DAGLA: variants seen among roughly 807,000 people sequenced by gnomAD.
The protein encoded by DAGLA is diacylglycerol lipase-alpha.
A neutral mutation model predicts 102.6 loss-of-function variants in DAGLA; 22 were observed. The observed-to-expected ratio is 0.21, with a 90% confidence interval of 0.15 to 0.31. The LOEUF is 0.31. Among genes scored for constraint, DAGLA ranks in the 10% least tolerant of loss-of-function variants. DAGLA has a pLI of 1.00. For missense variants in DAGLA, 927 were observed against 1,446.6 expected (o/e 0.64, Z 5.83); for synonymous variants, 578 against 628.9 (o/e 0.92, Z 1.21).
intron 1 of DAGLA, among the ~76,000 whole-genome samples, chr11:61,707,067 C>T (rs904108877): frequency 1.3e-5 from 2 of 152,202 alleles, no homozygotes; most frequent in Non-Finnish European, 2.9e-5. Context: ...TTAGGGGGGC[C>T]GAGGGCACCA....
intron 1 of DAGLA, among the ~76,000 whole-genome samples, chr11:61,708,204 C>T (rs937409211): frequency 4.6e-5 from 7 of 152,102 alleles, no homozygotes; most frequent in African/African-American, 1.7e-4. Flanking sequence ...GATGGAGTTT[C>T]GCCATGTTGG....
At position 61,743,575 on chromosome 11, in the gene DAGLA, G is replaced by C; in HGVS notation, c.2215G>C (p.Gly739Arg). 1 of 1,552,548 alleles carries C rather than the reference G, an allele frequency of 6.4e-7. No homozygotes were observed. Among genetic ancestry groups the C allele is most frequent in the Non-Finnish European group, 8.7e-7 (1 of 1,155,894 alleles). ...GATGAGCCTGGAGGGCTTCTCGGAGGGGCGGCTGCTGTCGCCAGTGGTTGC... is the reference window on the plus strand; with the variant it reads ...GATGAGCCTGGAGGGCTTCTCGGAGCGGCGGCTGCTGTCGCCAGTGGTTGC... The part of the protein sequence containing the change: ...SEMSLEGFSE[G>R]RLLSPVVAAA... The change falls in exon 20 of 20, where the codon GGG becomes CGG. Residue 739 changes from glycine (G) to arginine (R), a missense_variant. This residue lies in a region of DAGLA where 434 missense variants were observed against 503.3 expected (regional missense o/e 0.86). Transcript: ENST00000257215.
chr11:61,696,829 G>C (rs2065070887), intron 1 of DAGLA, among the ~76,000 whole-genome samples: 1 of 152,174 alleles, frequency 6.6e-6, no homozygotes, highest in East Asian at 1.9e-4. Flanking sequence ...GGGGAGGACT[G>C]AGCAGACAGA....
intron 1 of DAGLA, among the ~76,000 whole-genome samples, chr11:61,705,557 C>T (rs2065142092): frequency 6.6e-6 from 1 of 152,226 alleles, no homozygotes; most frequent in Non-Finnish European, 1.5e-5. Flanking sequence ...AGCTCCAGCT[C>T]CTAGTTCTAT....
At chr11:61,740,620 C>T in intron 18 of DAGLA, 28 bp downstream of exon 18, 4 of 1,610,186 alleles carry the variant, frequency 2.5e-6, no homozygotes, top group Non-Finnish European at 3.4e-6. Context: ...AGGGTACCAC[C>T]AGGGAATAAG....
At chr11:61,720,954 G>A in intron 3 of DAGLA, 64 bp downstream of exon 3, 1 of 1,485,970 alleles carries the variant, frequency 6.7e-7, no homozygotes, top group Non-Finnish European at 9.3e-7. Context: ...CACTCAGCCA[G>A]TATTTACTGC....
intron 1 of DAGLA, among the ~76,000 whole-genome samples, chr11:61,699,105 G>A (rs1430730149): frequency 1.3e-5 from 2 of 152,182 alleles, no homozygotes; most frequent in Non-Finnish European, 1.5e-5. Flanking sequence ...GGGCCAGCCT[G>A]AAGCTGAAGC....
Position 61,743,902 on chromosome 11 carries a change from A to C in DAGLA, c.2542A>C (p.Lys848Gln). ...TELLAADSLS[K>Q]HSQDTQPLEA... Reference sequence around the variant, plus strand: ...GCTGCTGGCGGCCGACAGCCTGTCCAAGCACTCACAGGACACGCAGCCCCT... The same window carrying C: ...GCTGCTGGCGGCCGACAGCCTGTCCCAGCACTCACAGGACACGCAGCCCCT... Residue 848 changes from lysine (K) to glutamine (Q), a missense_variant, in exon 20 of 20, where the codon AAG becomes CAG. Around this residue, in one of 4 missense-constraint regions of DAGLA, gnomAD observed 434 missense variants for 503.3 expected, o/e 0.86. Transcript: ENST00000257215. 7 of 1,612,312 alleles carry C rather than the reference A, an allele frequency of 4.3e-6. No homozygotes were observed. Among genetic ancestry groups the C allele is most frequent in the Non-Finnish European group, 5.9e-6 (7 of 1,179,824 alleles).
chr11:61,742,687 G>C (rs914150168), intron 19 of DAGLA, among the ~76,000 whole-genome samples: 1 of 152,152 alleles, frequency 6.6e-6, no homozygotes, highest in Non-Finnish European at 1.5e-5. Flanking sequence ...AGGGTTGCTG[G>C]CTCTGAGATT....
At chr11:61,737,102 C>T (rs1591052213) in intron 13 of DAGLA, 80 bp from the exon 14 acceptor site, 6 of 1,582,842 alleles carry the variant, frequency 3.8e-6, no homozygotes, top group South Asian at 1.1e-5. Flanking sequence ...ATGGGAAGAC[C>T]CTCTGCCTCC....
At chr11:61,681,233 G>C (rs535323597) in intron 1 of DAGLA, among the ~76,000 whole-genome samples, 2 of 152,238 alleles carry the variant, frequency 1.3e-5, no homozygotes, top group Admixed American at 1.3e-4. Context: ...GGACTGAGGA[G>C]GGCAGAAGGC....
At chr11:61,709,737 T>A (rs1366219716) in intron 1 of DAGLA, among the ~76,000 whole-genome samples, 1 of 152,124 alleles carries the variant, frequency 6.6e-6, no homozygotes, top group Non-Finnish European at 1.5e-5. Flanking sequence ...TGGCCCTTCC[T>A]GTCACATACT....
intron 6 of DAGLA, 35 bp downstream of exon 6, chr11:61,726,117 A>C: frequency 1.9e-6 from 3 of 1,590,882 alleles, no homozygotes; most frequent in South Asian, 2.2e-5. Flanking sequence ...TCTGGCTCAC[A>C]TCCTGTGGTC....
In DAGLA at chr11:61,731,326, C is replaced by T. The variant is rs1413900356; in HGVS notation, c.859C>T (p.Leu287Phe). 6.2e-6 allele frequency: 10 copies of T among 1,613,930 alleles called. No individual in the cohort carries two copies. The highest frequency in any genetic ancestry group is 8.5e-6 in the Non-Finnish European group (10 of 1,179,928). The change falls in exon 9 of 20, where the codon CTC (leucine) becomes TTC (phenylalanine). Residue 287 changes from leucine (L) to phenylalanine (F), a missense_variant. Leu to Phe is a conservative substitution (Grantham distance 22, BLOSUM62 0). Around this residue, in one of 4 missense-constraint regions of DAGLA, gnomAD observed 231 missense variants for 439.8 expected, o/e 0.53. Coordinates refer to ENST00000257215, the MANE Select transcript of DAGLA (RefSeq NM_006133.3). ...YLDLKNSQEM[L>F]RYKEVCYYML... is the part of the protein sequence containing the mutation. ...GCCTCCTCTCTTCTAGCAAGAGATG[C>T]TCCGCTACAAAGAGGTCTGCTACTA...
In DAGLA at chr11:61,683,121, G is replaced by A. The variant is rs979086998; in HGVS notation, c.-45+2617G>A. On this transcript the variant is annotated intron_variant, in intron 1 of 19. Coordinates refer to ENST00000257215, the MANE Select transcript of DAGLA (RefSeq NM_006133.3). ...GTCCTGTTTTTCTCTCACCCAGGCC[G>A]TTTCTTCAGCATTCCATGCGGGTGT... Among the ~76,000 whole-genome samples, 6 of 152,204 alleles carry A rather than the reference G, an allele frequency of 3.9e-5. No homozygotes were observed. The South Asian group carries it at 8.3e-4, about 21-fold the overall frequency.
At chr11:61,692,010 G>A (rs1054167068) in intron 1 of DAGLA, among the ~76,000 whole-genome samples, 25 of 152,190 alleles carry the variant, frequency 1.6e-4, no homozygotes, top group African/African-American at 6.0e-4. Context: ...GTTTAGGCTG[G>A]CTGGGCCCAG....
rs2065521686 is a variant in DAGLA, at chr11:61,744,662, C to G, written c.*173C>G. ...CGCATCCCTACCTCAGCTTAGGACCCCCAGAGCCAAGGTGGCTGGGATCTG... is the reference window on the plus strand; with the variant it reads ...CGCATCCCTACCTCAGCTTAGGACCGCCAGAGCCAAGGTGGCTGGGATCTG... On this transcript the variant is annotated 3_prime_UTR_variant, in exon 20 of 20. Transcript: ENST00000257215. The G allele has an allele frequency of 1.7e-6, 1 of 580,908 alleles. No homozygotes were observed. Among genetic ancestry groups the G allele is most frequent in the South Asian group, 2.4e-5 (1 of 41,602 alleles). The allele number at this position is 580,908 out of a possible 1,614,324, so 36.0% of individuals were successfully genotyped here.
At chr11:61,717,258 G>C (rs2065242718) in intron 1 of DAGLA, among the ~76,000 whole-genome samples, 1 of 152,178 alleles carries the variant, frequency 6.6e-6, no homozygotes, top group Non-Finnish European at 1.5e-5. Context: ...GGGGTCTCTA[G>C]AGAAAGGGCA....
chr11:61,735,057 G>A, intron 10 of DAGLA, 55 bp downstream of exon 10: 1 of 1,582,210 alleles, frequency 6.3e-7, no homozygotes, highest in South Asian at 1.1e-5. Flanking sequence ...TGAGGGCCTA[G>A]GGTGCTGAGG....
Sources: allele counts gnomAD v4.1 joint callset (sites outside exome capture counted in the v4.1 genomes callset), GRCh38; gene constraint gnomAD v4.1.1; regional missense constraint gnomAD v4.1.1; transcripts MANE v1.5; gene names NCBI Gene and HGNC (gene_info 2026-07-23, HGNC 2026-07-21).